The following EXO1 variants were observed in gnomAD, a reference collection of about 807,000 sequenced individuals.
The protein encoded by EXO1 is exonuclease 1.
EXO1 carries 69 observed loss-of-function variants against 84.5 expected under a neutral mutation model. The observed-to-expected ratio is 0.82, with a 90% CI of 0.67 to 1.00. The LOEUF (loss-of-function observed/expected upper bound fraction) is 1.00. EXO1 is among the 50% of genes least tolerant of loss of function. EXO1 has a pLI of 0.00. For missense variants in EXO1, 1,045 were observed against 1,000.7 expected, an observed-to-expected ratio of 1.04 and a Z score of -0.60; for synonymous variants, 373 against 366.1, an observed-to-expected ratio of 1.02 and a Z score of -0.21.
chr1:241,888,269 A>T (rs760733444), intron 15 of EXO1, among the ~76,000 whole-genome samples: 1 of 152,186 alleles, frequency 6.6e-6, no homozygotes, highest in Non-Finnish European at 1.5e-5. Context: ...AATGTAAAGT[A>T]TACCAAAGGG....
At chr1:241,877,839 G>A (rs900053296) in intron 12 of EXO1, among the ~76,000 whole-genome samples, 1 of 152,004 alleles carries the variant, frequency 6.6e-6, no homozygotes, top group Non-Finnish European at 1.5e-5. Context: ...AGTTTATAGG[G>A]TATATAACAA....
intron 3 of EXO1, among the ~76,000 whole-genome samples, chr1:241,849,652 T>A (rs748447352): frequency 6.6e-4 from 100 of 152,234 alleles, no homozygotes; most frequent in Non-Finnish European, 1.3e-3. Context: ...TCTTTTTGAA[T>A]TTTTCCTTTG....
rs1169007623 is a variant in EXO1 at position 241,848,926 on chromosome 1, G to A, written c.-224G>A. The stretch of plus-strand genomic sequence containing the variant: ...CGCTAAAGAAGAAATAATTATTCGA[G>A]GATATTTGCCTGGCCCAGAAGAAAC... On this transcript the variant is annotated 5_prime_UTR_variant, in exon 2 of 16. Transcript: ENST00000366548. The surrounding 1 kb of genome is among the most constrained non-coding windows in gnomAD (Gnocchi z 4.2). 1.3e-5 allele frequency: 2 copies of A among 152,120 alleles called. No individual in the cohort carries two copies. The highest frequency in any genetic ancestry group is 2.1e-4 in the South Asian group (1 of 4,824). 9.4% of individuals were successfully genotyped at this position (152,120 alleles called of 1,614,324 possible).
chr1:241,878,183 TATA>T (rs1331691086), intron 12 of EXO1, among the ~76,000 whole-genome samples: 11 of 152,144 alleles, frequency 7.2e-5, no homozygotes, highest in Non-Finnish European at 1.5e-4. Context: ...AATACATGTG[TATA>T]TAGAAGACTG....
intron 13 of EXO1, 145 bp from the exon 14 acceptor site, chr1:241,881,771 A>T (rs1332124461): frequency 2.0e-6 from 1 of 510,668 alleles, no homozygotes; most frequent in Non-Finnish European, 3.5e-6. Flanking sequence ...GGCAAATATC[A>T]TCCTTTCCAT....
At chr1:241,858,448 A>G in intron 7 of EXO1, 58 bp from the exon 8 acceptor site, 1 of 1,023,358 alleles carries the variant, frequency 9.8e-7, no homozygotes, top group Non-Finnish European at 1.6e-6. Flanking sequence ...ATTGCAGTGG[A>G]TTAGATAATG....
intron 11 of EXO1, among the ~76,000 whole-genome samples, chr1:241,869,225 G>T (rs967093392): frequency 2.6e-5 from 4 of 152,222 alleles, no homozygotes; most frequent in African/African-American, 9.6e-5. Flanking sequence ...GAGAGCAATG[G>T]TGCAGAATAA....
intron 10 of EXO1, among the ~76,000 whole-genome samples, chr1:241,863,717 A>G (rs976434737): frequency 6.6e-6 from 1 of 152,216 alleles, no homozygotes; most frequent in Non-Finnish European, 1.5e-5. Flanking sequence ...TCAGGTTGCT[A>G]TTCCCCTATT....
rs1454034016 is a variant in EXO1 at position 241,852,542 on chromosome 1, G to C, written c.281+131G>C. On this transcript the variant is annotated intron_variant, in intron 5 of 15. Coordinates refer to ENST00000366548, the MANE Select transcript of EXO1 (RefSeq NM_130398.4). ...CACCTGTTGTCCTAGGTACTCGGGA[G>C]GTTGAGGCAAGAGGATCACTTGAGC... 3 of 793,368 alleles carry C rather than the reference G, an allele frequency of 3.8e-6. No individual in the cohort carries two copies. In the East Asian group the frequency reaches 7.5e-5, roughly 20 times the overall value. 49.1% of individuals were successfully genotyped at this position (793,368 alleles called of 1,614,324 possible). A position where few individuals can be genotyped will look rare whatever the true frequency, so the allele number is the denominator to read the frequency against.
At chr1:241,878,560 G>A (rs1372417901) in intron 12 of EXO1, among the ~76,000 whole-genome samples, 189 bp from the exon 13 acceptor site, 1 of 151,610 alleles carries the variant, frequency 6.6e-6, no homozygotes, top group Non-Finnish European at 1.5e-5. Flanking sequence ...TTCTAAATGT[G>A]TGAATGTTGG....
Position 241,879,298 on chromosome 1 carries a change from TG to T in EXO1, c.2065del (p.Ala689HisfsTer46). On this transcript the variant is annotated frameshift_variant, in exon 13 of 16. Transcript: ENST00000366548. LOFTEE classifies it high-confidence loss of function. ...SGEFSLQSSNASKLSQCSSKD... is the reference protein window; with the variant it reads ...SGEFSLQSSNXSKLSQCSSKD... ...GAGAATTCTCACTGCAGAGTTCAAA[TG>T]CATCAAAGCTTTCTCAGTGCTCTAG... 6.2e-7 allele frequency: 1 copy of T among 1,605,982 alleles called. No individual in the cohort carries two copies. Among genetic ancestry groups the T allele is most frequent in the African/African-American group, 1.3e-5 (1 of 74,492 alleles).
intron 15 of EXO1, among the ~76,000 whole-genome samples, chr1:241,886,337 A>G (rs1039114896): frequency 3.3e-5 from 5 of 152,238 alleles, no homozygotes; most frequent in African/African-American, 4.8e-5. Flanking sequence ...TAACCATAAT[A>G]CTTCCTTCTG....
chr1:241,873,629 A>G (rs1662238713), intron 12 of EXO1, among the ~76,000 whole-genome samples: 1 of 152,204 alleles, frequency 6.6e-6, no homozygotes, highest in South Asian at 2.1e-4. Context: ...TAGGTGCTAT[A>G]GTTCAAAAAT....
chr1:241,884,481 T>TA (rs1662930429), intron 14 of EXO1, among the ~76,000 whole-genome samples: 1 of 152,208 alleles, frequency 6.6e-6, no homozygotes, highest in Non-Finnish European at 1.5e-5. Flanking sequence ...TAGAGGTTTG[T>TA]TTAAGTAAGT....
chr1:241,888,541 C>T (rs1458939654), intron 15 of EXO1, among the ~76,000 whole-genome samples: 1 of 152,088 alleles, frequency 6.6e-6, no homozygotes, highest in Non-Finnish European at 1.5e-5. Flanking sequence ...TCTTGGAAAC[C>T]GTTCAAAGGA....
intron 3 of EXO1, among the ~76,000 whole-genome samples, chr1:241,850,063 C>G (rs923983369): frequency 6.6e-6 from 1 of 152,124 alleles, no homozygotes; most frequent in African/African-American, 2.4e-5. Context: ...GGGCGGATCA[C>G]GAGTTCAGGA....
At chr1:241,881,797 T>A in intron 13 of EXO1, 119 bp from the exon 14 acceptor site, 1 of 572,890 alleles carries the variant, frequency 1.7e-6, no homozygotes, top group Non-Finnish European at 3.1e-6. Flanking sequence ...TCATTTTCTT[T>A]TATTAATTCT....
intron 13 of EXO1, among the ~76,000 whole-genome samples, chr1:241,881,202 A>G (rs1428012039): frequency 1.3e-5 from 2 of 151,844 alleles, no homozygotes; most frequent in Non-Finnish European, 2.9e-5. Flanking sequence ...TAATTTTTGT[A>G]TTTTTAGTAG....
chr1:241,854,230 C>T (rs1314467289), intron 6 of EXO1, among the ~76,000 whole-genome samples: 1 of 152,148 alleles, frequency 6.6e-6, no homozygotes, highest in Non-Finnish European at 1.5e-5. Context: ...CTCTGCCTCC[C>T]GGGTTAAAGC....
Sources: allele counts gnomAD v4.1 joint callset (sites outside exome capture counted in the v4.1 genomes callset), GRCh38; gene constraint gnomAD v4.1.1; non-coding constraint Gnocchi (gnomAD v3.1); transcripts MANE v1.5; gene names NCBI Gene and HGNC (gene_info 2026-07-23, HGNC 2026-07-21).